The following SZT2 variants were observed in gnomAD, a reference collection of about 807,000 sequenced individuals.
SZT2 encodes the protein KICSTOR complex protein SZT2.
In SZT2, 216 loss-of-function variants were observed where a neutral mutation model predicts 404.2. The observed-to-expected ratio is 0.53, with a 90% CI of 0.48 to 0.60. The LOEUF (loss-of-function observed/expected upper bound fraction) is 0.60, where lower values mean the gene tolerates loss of function less well. Ranked by LOEUF, SZT2 falls within the 20% of genes least tolerant of loss-of-function variation. SZT2 has a pLI of 0.00. For missense variants in SZT2, 3,857 were observed against 4,459.2 expected (o/e 0.86, Z 3.85); for synonymous variants, 1,693 against 1,749.9 (o/e 0.97, Z 0.81).
At chr1:43,443,548 C>A (rs572679442) in intron 61 of SZT2, 49 bp from the exon 62 acceptor site, 2 of 1,613,260 alleles carry the variant, frequency 1.2e-6, no homozygotes, top group South Asian at 2.2e-5. Context: ...CCATCCCCAG[C>A]AGGATGGTTG....
chr1:43,448,449 C>T lies in SZT2; in HGVS notation c.9934C>T (p.His3312Tyr), dbSNP rs779120024. The T allele has an allele frequency of 1.9e-6, 3 of 1,609,562 alleles. No individual in the cohort carries two copies. The highest frequency in any genetic ancestry group is 2.5e-6 in the Non-Finnish European group (3 of 1,178,334). Reference sequence around the variant, plus strand: ...GCTGGAGGAACTCCTAGAAGCAGTCCATGCCAAATCCATTGGGGACATCGA... The same window carrying T: ...GCTGGAGGAACTCCTAGAAGCAGTCTATGCCAAATCCATTGGGGACATCGA... ...AELEELLEAV[H>Y]AKSIGDIDPQ... The change falls in exon 69 of 72, where the codon CAT becomes TAT. Residue 3312 changes from histidine to tyrosine, a missense_variant. By Grantham distance (83) the His-to-Tyr change is moderately conservative. Coordinates refer to ENST00000634258, the MANE Select transcript of SZT2 (RefSeq NM_001365999.1). This position sits in a 1 kb window ranked among gnomAD's most constrained non-coding sequence, Gnocchi z 4.2.
intron 62 of SZT2, among the ~76,000 whole-genome samples, chr1:43,444,023 T>C (rs1368176576): frequency 2.0e-5 from 3 of 152,236 alleles, no homozygotes; most frequent in Non-Finnish European, 4.4e-5. Flanking sequence ...ATGACACTCA[T>C]ACAAAACTGT....
In SZT2 at chr1:43,440,461, A is replaced by G; in HGVS notation, c.7219A>G (p.Arg2407Gly). The G allele has an allele frequency of 6.3e-7, 1 of 1,597,350 alleles. No homozygotes were observed. Among genetic ancestry groups the G allele is most frequent in the Non-Finnish European group, 8.5e-7 (1 of 1,172,830 alleles). The change falls in exon 52 of 72, where the codon AGG becomes GGG. Residue 2407 changes from arginine to glycine, a missense_variant. Arg to Gly is a moderately radical substitution (Grantham distance 125, BLOSUM62 -2). This residue lies in a region of SZT2 where 573 missense variants were observed against 592.4 expected (regional missense o/e 0.97). Transcript: ENST00000634258. Reference protein sequence around the residue: ...CTEDTPTGSLRNGSLETKSSA... With the variant: ...CTEDTPTGSLGNGSLETKSSA... ...ATGTCTGATGTCCACAGGAAGTCTC[A>G]GGAACGGATCGTTGGAAACTAAGAG...
intron 1 of SZT2, among the ~76,000 whole-genome samples, chr1:43,392,441 G>C (rs2153927056): frequency 7.0e-6 from 1 of 142,948 alleles, no homozygotes; most frequent in East Asian, 2.1e-4. Flanking sequence ...TTGAGACGAA[G>C]TCTCGCTCTG....
Position 43,443,366 on chromosome 1 carries a change from G to A in SZT2, c.8514G>A (p.Glu2838=), listed in dbSNP as rs781613598. ...TGTTTCCCCAGGCTGGAGAGCTGGAGACCCTGAAGCAGTCATCCCGCCTGG... is the reference window on the plus strand; with the variant it reads ...TGTTTCCCCAGGCTGGAGAGCTGGAAACCCTGAAGCAGTCATCCCGCCTGG... ...ATMPISAGEL[E]TLKQSSRLVH... Residue 2838 remains glutamate (E), a synonymous_variant, in exon 61 of 72, where the codon GAG becomes GAA. Transcript: ENST00000634258. 5 of 1,614,030 alleles carry A rather than the reference G, an allele frequency of 3.1e-6. No individual in the cohort carries two copies. The highest frequency in any genetic ancestry group is 4.2e-6 in the Non-Finnish European group (5 of 1,180,026).
chr1:43,425,125 G>T lies in SZT2; in HGVS notation c.2563G>T (p.Gly855Trp). The T allele has an allele frequency of 6.2e-7, 1 of 1,614,156 alleles. No individual in the cohort carries two copies. The highest frequency in any genetic ancestry group is 1.1e-5 in the South Asian group (1 of 91,082). Residue 855 changes from glycine to tryptophan, a missense_variant, in exon 18 of 72, where the codon GGG becomes TGG. This residue lies in a region of SZT2 where 1,725 missense variants were observed against 1,881.0 expected (regional missense o/e 0.92). Coordinates refer to ENST00000634258, the MANE Select transcript of SZT2 (RefSeq NM_001365999.1). The surrounding 1 kb of genome is among the most constrained non-coding windows in gnomAD (Gnocchi z 4.3). The part of the protein sequence containing the change: ...LELPIQNEPP[G>W]QAAAEEKHTC... The stretch of plus-strand genomic sequence containing the variant: ...ATTTTGCCCACAGAATGAACCACCA[G>T]GGCAGGCTGCAGCTGAAGAGAAGCA...
At chr1:43,446,651 C>T in intron 65 of SZT2, 1 of 634,302 alleles carries the variant, frequency 1.6e-6, no homozygotes, top group Non-Finnish European at 2.7e-6. Context: ...TGAGGCAGCA[C>T]AGTGCCTGGT....
Position 43,437,383 on chromosome 1 carries a change from C to G in SZT2, c.6188-23C>G. The G allele has an allele frequency of 6.2e-7, 1 of 1,614,094 alleles. No homozygotes were observed. The highest frequency in any genetic ancestry group is 1.3e-5 in the African/African-American group (1 of 75,032). ...GGAAGGATCTGGAAAAGGCAGTTTC[C>G]TGAGCCCATGTTATTCCCCCAGCCA... On this transcript the variant is annotated intron_variant, in intron 43 of 71. Coordinates refer to ENST00000634258, the MANE Select transcript of SZT2 (RefSeq NM_001365999.1). The surrounding 1 kb of genome is among the most constrained non-coding windows in gnomAD (Gnocchi z 5.3).
rs368547256 is a variant in SZT2, at chr1:43,424,081, G to A, written c.2256-136G>A. On this transcript the variant is annotated intron_variant, in intron 15 of 71. Transcript: ENST00000634258. This position sits in a 1 kb window ranked among gnomAD's most constrained non-coding sequence, Gnocchi z 4.1. ...GAGTGGTACAGAGGTGTGGAAGGGC[G>A]TGGCTTAGCCGGGTATCAGTGGTAC... 3.6e-5 allele frequency: 26 copies of A among 716,994 alleles called. No homozygotes were observed. The highest frequency in any genetic ancestry group is 2.2e-4 in the East Asian group (8 of 36,836). The allele number at this position is 716,994 out of a possible 1,614,324, so 44.4% of individuals were successfully genotyped here.
intron 63 of SZT2, 49 bp from the exon 64 acceptor site, chr1:43,446,130 T>C: frequency 1.2e-6 from 2 of 1,609,654 alleles, no homozygotes; most frequent in East Asian, 4.5e-5. Flanking sequence ...ACCCTACTGA[T>C]TCGAGGCTGG....
chr1:43,439,670 C>A lies in SZT2; in HGVS notation c.6943C>A (p.Pro2315Thr). Residue 2315 changes from proline (P) to threonine (T), a missense_variant, in exon 50 of 72, where the codon CCC (proline) becomes ACC (threonine). Pro to Thr is a conservative substitution (Grantham distance 38). This residue lies in a region of SZT2 where 573 missense variants were observed against 592.4 expected (regional missense o/e 0.97). Transcript: ENST00000634258. This position sits in a 1 kb window ranked among gnomAD's most constrained non-coding sequence, Gnocchi z 4.2. The part of the protein sequence containing the change: ...GGAPLSLALW[P>T]PSSPGPPDPL... ...GGCCCCCTTGTCACTGGCGTTGTGG[C>A]CCCCCTCCTCTCCGGGGCCCCCAGA... is the stretch of plus-strand genomic sequence containing the variant. 2 of 1,612,936 alleles carry A rather than the reference C, an allele frequency of 1.2e-6. No individual in the cohort carries two copies. The highest frequency in any genetic ancestry group is 1.7e-6 in the Non-Finnish European group (2 of 1,179,400).
In SZT2 at chr1:43,426,536, C is replaced by T; in HGVS notation, c.3212C>T (p.Pro1071Leu). 6 of 1,566,428 alleles carry T rather than the reference C, an allele frequency of 3.8e-6. No homozygotes were observed. The highest frequency in any genetic ancestry group is 5.2e-6 in the Non-Finnish European group (6 of 1,161,974). Residue 1071 changes from proline (P) to leucine (L), a missense_variant and splice_region_variant, in exon 22 of 72, where the codon CCA becomes CTA. Around this residue, in one of 7 missense-constraint regions of SZT2, gnomAD observed 1,725 missense variants for 1,881.0 expected, o/e 0.92. Transcript: ENST00000634258. The surrounding 1 kb of genome is among the most constrained non-coding windows in gnomAD (Gnocchi z 4.9). Reference protein sequence around the residue: ...SEVLRRTCHVPGAEGPLLGVH... With the variant: ...SEVLRRTCHVLGAEGPLLGVH... ...GTGCTGCGGCGGACCTGCCACGTTC[C>T]AGGTGAGTTCCCCACATCCTCCTGA...
Position 43,425,711 on chromosome 1 carries a change from G to A in SZT2, c.2814+69G>A. 1 of 1,599,860 alleles carries A rather than the reference G, an allele frequency of 6.3e-7. No homozygotes were observed. The highest frequency in any genetic ancestry group is 8.5e-7 in the Non-Finnish European group (1 of 1,171,064). On this transcript the variant is annotated intron_variant, in intron 19 of 71. Transcript: ENST00000634258. The surrounding 1 kb of genome is among the most constrained non-coding windows in gnomAD (Gnocchi z 4.3). ...GGGGTGCCATCTCTTTTGGAGTACT[G>A]CAGTCTGTGGGCTTCCTGGTCCCTC...
intron 26 of SZT2, 83 bp downstream of exon 26, chr1:43,427,817 C>A: frequency 1.3e-6 from 2 of 1,503,674 alleles, no homozygotes; most frequent in Non-Finnish European, 1.8e-6. Flanking sequence ...TAGGCGTGGG[C>A]AGGTAAGTTG....
chr1:43,416,674 T>C (rs760942511), intron 7 of SZT2, 33 bp downstream of exon 7: 16 of 1,529,506 alleles, frequency 1.0e-5, no homozygotes, highest in African/African-American at 5.4e-5. Context: ...GAGAGAGATA[T>C]GGAATATCTC....
intron 70 of SZT2, chr1:43,449,790 G>T: frequency 2.1e-6 from 1 of 478,926 alleles, no homozygotes; most frequent in Non-Finnish European, 3.8e-6. Context: ...AGGAGTCCCA[G>T]GACAGGAGGC....
chr1:43,451,701 T>G lies in SZT2; in HGVS notation c.*1221T>G. 1 of 1,614,200 alleles carries G rather than the reference T, an allele frequency of 6.2e-7. No individual in the cohort carries two copies. Among genetic ancestry groups the G allele is most frequent in the South Asian group, 1.1e-5 (1 of 91,082 alleles). Reference sequence around the variant, plus strand: ...TCCTGTCAGGTTCCCATCCATGATCTGCCAGTGGAATATGTCCTAGGGAAG... The same window carrying G: ...TCCTGTCAGGTTCCCATCCATGATCGGCCAGTGGAATATGTCCTAGGGAAG... On this transcript the variant is annotated 3_prime_UTR_variant, in exon 72 of 72. Coordinates refer to ENST00000634258, the MANE Select transcript of SZT2 (RefSeq NM_001365999.1).
chr1:43,414,997 A>G, intron 4 of SZT2, 85 bp from the exon 5 acceptor site: 7 of 1,506,192 alleles, frequency 4.6e-6, no homozygotes, highest in Non-Finnish European at 6.2e-6. Flanking sequence ...GCCTAGATGG[A>G]GCTATGGAGA....
chr1:43,403,147 A>G (rs778330482), intron 1 of SZT2, 30 bp from the exon 2 acceptor site: 6 of 1,610,788 alleles, frequency 3.7e-6, no homozygotes, highest in South Asian at 1.1e-5. Context: ...GCCATTTTTT[A>G]AAGATGTATT....
Sources: gnomAD v4.1 joint callset for allele counts (sites outside exome capture counted in the v4.1 genomes callset) on GRCh38, gnomAD v4.1.1 for gene constraint, gnomAD v4.1.1 regional missense constraint, Gnocchi (gnomAD v3.1) non-coding constraint, MANE v1.5 for transcripts, NCBI Gene and HGNC (gene_info 2026-07-23, HGNC 2026-07-21) for gene names.